DDX6: variants seen among roughly 807,000 people sequenced by gnomAD.
DDX6 encodes the protein DEAD-box helicase 6, also known as probable ATP-dependent RNA helicase DDX6.
In DDX6, 7 loss-of-function variants were observed where a neutral mutation model predicts 60.6. That is an observed-to-expected ratio of 0.12 (90% CI 0.07 to 0.22). The LOEUF (loss-of-function observed/expected upper bound fraction) is 0.22. DDX6 is among the 10% of genes least tolerant of loss of function. DDX6 has a pLI of 1.00. For missense variants in DDX6, 270 were observed against 589.9 expected (o/e 0.46, Z 5.62); for synonymous variants, 207 against 201.0 (o/e 1.03, Z -0.25).
intron 7 of DDX6, among the ~76,000 whole-genome samples, chr11:118,762,521 G>A (rs1044415630): frequency 1.3e-5 from 2 of 151,896 alleles, no homozygotes; most frequent in African/African-American, 2.4e-5. Context: ...CTGCAACGCC[G>A]TATACTGTAG....
At position 118,786,160 on chromosome 11, in the gene DDX6, G is replaced by A; in HGVS notation, c.92C>T (p.Pro31Leu). The change falls in exon 2 of 14, where the codon CCT becomes CTT. Residue 31 changes from proline (P) to leucine (L), a missense_variant. Physicochemically the swap from Pro to Leu is moderately conservative, Grantham distance 98 (BLOSUM62 -3). Around this residue, in one of 8 missense-constraint regions of DDX6, gnomAD observed 102 missense variants for 110.5 expected, o/e 0.92. Coordinates refer to ENST00000534980, the MANE Select transcript of DDX6 (RefSeq NM_004397.6). ...LRGPVKPTGG[P>L]GGGGTQTQQQ... is the part of the protein sequence containing the mutation. Reference sequence around the variant, plus strand: ...CTGTGTCTGTGTGCCCCCTCCTCCAGGGCCACCAGTGGGTTTCACAGGGCC... The same window carrying A: ...CTGTGTCTGTGTGCCCCCTCCTCCAAGGCCACCAGTGGGTTTCACAGGGCC... 2 of 1,613,908 alleles carry A rather than the reference G, an allele frequency of 1.2e-6. No homozygotes were observed. Among genetic ancestry groups the A allele is most frequent in the South Asian group, 2.2e-5 (2 of 91,078 alleles).
chr11:118,786,714 C>T (rs1862086093), intron 1 of DDX6, 196 bp from the exon 2 acceptor site: 1 of 162,436 alleles, frequency 6.2e-6, no homozygotes, highest in African/African-American at 2.4e-5. Context: ...AGGCCAATAT[C>T]AAACATTTAA....
intron 9 of DDX6, among the ~76,000 whole-genome samples, chr11:118,758,306 T>C (rs1374656853): frequency 6.6e-6 from 1 of 152,220 alleles, no homozygotes; most frequent in East Asian, 1.9e-4. Context: ...TGGTTAATCA[T>C]TTAGTATCAA....
chr11:118,769,361 C>T (rs1307402030), intron 4 of DDX6, among the ~76,000 whole-genome samples: 1 of 152,154 alleles, frequency 6.6e-6, no homozygotes, highest in Non-Finnish European at 1.5e-5. Context: ...CTGTAATGTG[C>T]TCTCTATTGA....
chr11:118,771,080 C>T (rs1861519896), intron 4 of DDX6, among the ~76,000 whole-genome samples: 1 of 152,072 alleles, frequency 6.6e-6, no homozygotes, highest in Non-Finnish European at 1.5e-5. Flanking sequence ...CTCCCATTAC[C>T]CTGTCACCTC....
chr11:118,779,085 G>A (rs1192303657), intron 4 of DDX6, among the ~76,000 whole-genome samples: 4 of 150,192 alleles, frequency 2.7e-5, no homozygotes, highest in African/African-American at 9.9e-5. Context: ...GAGCCCATGA[G>A]GTCAAGGCTG....
At chr11:118,780,584 T>A (rs934094218) in intron 3 of DDX6, among the ~76,000 whole-genome samples, 2 of 152,210 alleles carry the variant, frequency 1.3e-5, no homozygotes, top group Non-Finnish European at 2.9e-5. Context: ...CCCAAAGTGC[T>A]GGGAATACAG....
At chr11:118,753,312 G>C (rs1181344348) in intron 13 of DDX6, among the ~76,000 whole-genome samples, 3 of 148,350 alleles carry the variant, frequency 2.0e-5, no homozygotes, top group Non-Finnish European at 4.5e-5. Flanking sequence ...TTACAGGTGT[G>C]AGCCACTGAG....
At chr11:118,787,257 G>A (rs981871991) in intron 1 of DDX6, 3 of 152,254 alleles carry the variant, frequency 2.0e-5, no homozygotes, top group African/African-American at 7.2e-5. Context: ...GGATCATGAG[G>A]TCAGGAGTTC....
rs782136763 is a variant in DDX6, at chr11:118,768,987, C to CAAAAAAAAAA, written c.370-645_370-636dup. ...GCATGAAAGAGACCTCGTCTCATCT[C>CAAAAAAAAAA]AAAAAAAAAAAAAAAAAAAAAAGGC... On this transcript the variant is annotated intron_variant, in intron 4 of 13. Transcript: ENST00000534980. Among the ~76,000 whole-genome samples, 378 of 39,976 alleles carry CAAAAAAAAAA rather than the reference C, an allele frequency of 9.5e-3. 97 individuals are homozygous for CAAAAAAAAAA. The highest frequency in any genetic ancestry group is 0.026 in the African/African-American group (253 of 9,802). The allele number at this position is 39,976 out of a possible 152,430, so 26.2% of individuals were successfully genotyped here. A position where few individuals can be genotyped will look rare whatever the true frequency, so the allele number is the denominator to read the frequency against.
chr11:118,776,390 G>A (rs1277450503), intron 4 of DDX6, among the ~76,000 whole-genome samples: 1 of 151,932 alleles, frequency 6.6e-6, no homozygotes, highest in Non-Finnish European at 1.5e-5. Flanking sequence ...GTAGAGCTGG[G>A]ATTTAATCTG....
chr11:118,761,581 C>T (rs1428468211), intron 7 of DDX6, among the ~76,000 whole-genome samples: 1 of 152,018 alleles, frequency 6.6e-6, no homozygotes, highest in Non-Finnish European at 1.5e-5. Flanking sequence ...CGCACCACTG[C>T]ACTCCAAGCG....
At position 118,749,762 on chromosome 11, in the gene DDX6, T is replaced by A. The variant is rs1860690293; in HGVS notation, c.*2343A>T. On this transcript the variant is annotated 3_prime_UTR_variant, in exon 14 of 14. Transcript: ENST00000534980. ...GAGCTGCATCGGTACAAGGGCACAA[T>A]TTTTTTGGTCAAAAGTTGACACCTT... 6.6e-6 allele frequency: 1 copy of A among 152,602 alleles called. No homozygotes were observed. Among genetic ancestry groups the A allele is most frequent in the Admixed American group, 6.5e-5 (1 of 15,278 alleles). The allele number at this position is 152,602 out of a possible 1,614,324, so 9.5% of individuals were successfully genotyped here. A position where few individuals can be genotyped will look rare whatever the true frequency, so the allele number is the denominator to read the frequency against.
In DDX6 at chr11:118,748,218, T is replaced by C. The variant is rs1236197641; in HGVS notation, c.*3887A>G. 6.6e-6 allele frequency: 1 copy of C among 152,108 alleles called. No homozygotes were observed. The highest frequency in any genetic ancestry group is 1.5e-5 in the Non-Finnish European group (1 of 68,020). The allele number at this position is 152,108 out of a possible 1,614,324, so 9.4% of individuals were successfully genotyped here. The stretch of plus-strand genomic sequence containing the variant: ...AGCATTGTCTACTGGAGAATTTAAA[T>C]ACACTTCTGTTGGAATCTGTCAGCT... On this transcript the variant is annotated 3_prime_UTR_variant, in exon 14 of 14. Transcript: ENST00000534980.
intron 2 of DDX6, among the ~76,000 whole-genome samples, chr11:118,783,142 TG>T (rs769276967): frequency 2.9e-4 from 44 of 152,284 alleles, no homozygotes; most frequent in African/African-American, 8.9e-4. Context: ...AGACACTTGA[TG>T]GGATCTAGAG....
In DDX6 at chr11:118,781,124, A is replaced by C. The variant is rs782268407; in HGVS notation, c.261T>G (p.Thr87=). 1.3e-5 allele frequency: 20 copies of C among 1,598,966 alleles called. No homozygotes were observed. The highest frequency in any genetic ancestry group is 4.0e-5 in the African/African-American group (3 of 74,684). The change falls in exon 3 of 14, where the codon ACT becomes ACG. Residue 87 remains threonine (T), a synonymous_variant. Coordinates refer to ENST00000534980, the MANE Select transcript of DDX6 (RefSeq NM_004397.6). ...TTGTATTTTACAACCAACTTACCGA[A>C]GTTTTGATTCTTAGATCCTTTGGAG... is the stretch of plus-strand genomic sequence containing the variant. ...KLPPKDLRIK[T]SDVTSTKGNE... is the part of the protein sequence containing the mutation.
At chr11:118,760,861 C>T (rs1490485574) in intron 7 of DDX6, among the ~76,000 whole-genome samples, 4 of 150,124 alleles carry the variant, frequency 2.7e-5, no homozygotes, top group Admixed American at 6.7e-5. Context: ...GTTCTGAGGC[C>T]GGGTGCAGTG....
chr11:118,785,048 G>A (rs374077419), intron 2 of DDX6, among the ~76,000 whole-genome samples: 5 of 152,168 alleles, frequency 3.3e-5, no homozygotes, highest in South Asian at 2.1e-4. Flanking sequence ...GACTACAGGC[G>A]TGTGCCACTG....
chr11:118,785,066 A>C (rs6421569), intron 2 of DDX6, among the ~76,000 whole-genome samples: 131,419 of 152,202 alleles, frequency 0.86, 56,930 homozygotes, highest in East Asian at 1. Context: ...CTGCACCCGG[A>C]CCTATATGGC....
Sources: gnomAD v4.1 joint callset for allele counts (sites outside exome capture counted in the v4.1 genomes callset) on GRCh38, gnomAD v4.1.1 for gene constraint, gnomAD v4.1.1 regional missense constraint, MANE v1.5 for transcripts, NCBI Gene and HGNC (gene_info 2026-07-23, HGNC 2026-07-21) for gene names.